The following FRMD4B variants were observed in gnomAD, a reference collection of about 807,000 sequenced individuals.
FRMD4B encodes FERM domain containing 4B.
FRMD4B carries 74 observed loss-of-function variants against 141.5 expected under a neutral mutation model. That is an observed-to-expected ratio of 0.52 (90% CI 0.43 to 0.63). FRMD4B has a LOEUF of 0.63. Ranked by LOEUF, FRMD4B falls within the 30% of genes least tolerant of loss-of-function variation. FRMD4B has a pLI of 0.00. For synonymous variants in FRMD4B, 506 were observed against 467.9 expected (o/e 1.08, Z -1.05); for missense variants, 1,366 against 1,253.4 (o/e 1.09, Z -1.36).
chr3:69,203,341 A>AAAAAAAAAAAAAAAGAAAG (rs1553700373), intron 11 of FRMD4B, among the ~76,000 whole-genome samples: 1 of 76,982 alleles, frequency 1.3e-5, no homozygotes. Context: ...AAAAAAAAAA[A>AAAAAAAAAAAAAAAGAAAG]AAAGAAAGAA....
rs75277193 is a variant in FRMD4B, at chr3:69,417,618, C to T, written c.-1+15016G>A. On this transcript the variant is annotated intron_variant, in intron 2 of 5. Coordinates refer to the FRMD4B transcript ENST00000459638. Reference sequence around the variant, plus strand: ...TGGTGTTTTAGTCACGAAGTCTTTGCCCATGATTGTGTCCTGAATGTATTG... The same window carrying T: ...TGGTGTTTTAGTCACGAAGTCTTTGTCCATGATTGTGTCCTGAATGTATTG... Among the ~76,000 whole-genome samples, 1,358 of 152,278 alleles carry T rather than the reference C, an allele frequency of 8.9e-3. 23 individuals are homozygous for T. Among genetic ancestry groups the T allele is most frequent in the African/African-American group, 0.031 (1,278 of 41,544 alleles).
chr3:69,466,574 G>T (rs763303428), intron 1 of FRMD4B, among the ~76,000 whole-genome samples: 1 of 152,214 alleles, frequency 6.6e-6, no homozygotes, highest in Admixed American at 6.5e-5. Flanking sequence ...AGTTGGCCAT[G>T]AGTTGATAAT....
rs1247488447 is a variant in FRMD4B at position 69,194,562 on chromosome 3, A to G, written c.1488+460T>C. 2.0e-5 allele frequency among the ~76,000 whole-genome samples: 3 copies of G among 152,214 alleles called. No homozygotes were observed. In the East Asian group the frequency reaches 5.8e-4, roughly 29 times the overall value. ...TCTATATTGGCTAACAAATATTTTAACTTGATTGTAGCTCAGTGCTGTGCA... is the reference window on the plus strand; with the variant it reads ...TCTATATTGGCTAACAAATATTTTAGCTTGATTGTAGCTCAGTGCTGTGCA... On this transcript the variant is annotated intron_variant, in intron 16 of 22. Transcript: ENST00000398540.
chr3:69,385,690 G>T, intron 1 of FRMD4B, 138 bp downstream of exon 1: 1 of 672,340 alleles, frequency 1.5e-6, no homozygotes, highest in Non-Finnish European at 2.3e-6. Context: ...GAGCTGCTGA[G>T]CGTTTGACCC....
rs557614412 is a variant in FRMD4B, at chr3:69,476,145, T to G, written c.-128-43384A>C. 8.0e-3 allele frequency among the ~76,000 whole-genome samples: 1,208 copies of G among 150,992 alleles called. 12 individuals are homozygous for G. Among genetic ancestry groups the G allele is most frequent in the Non-Finnish European group, 0.012 (794 of 67,592 alleles). On this transcript the variant is annotated intron_variant, in intron 1 of 5. Coordinates refer to the FRMD4B transcript ENST00000459638. ...TAGGTTGTGAAAATTTTCTCCCATT[T>G]TGTAGGTTGCCTGTTCACTCTGATG...
At chr3:69,305,144 C>T (rs781514516) in intron 3 of FRMD4B, among the ~76,000 whole-genome samples, 1 of 152,102 alleles carries the variant, frequency 6.6e-6, no homozygotes, top group Non-Finnish European at 1.5e-5. Flanking sequence ...ACCACCCTAC[C>T]CAGTGGACTT....
At chr3:69,315,508 C>T (rs1240927338) in intron 1 of FRMD4B, among the ~76,000 whole-genome samples, 1 of 152,010 alleles carries the variant, frequency 6.6e-6, no homozygotes, top group Non-Finnish European at 1.5e-5. Context: ...TGTGTTTATC[C>T]GTGTATGTGT....
chr3:69,202,853 AG>A (rs2092982808), intron 11 of FRMD4B, among the ~76,000 whole-genome samples: 1 of 126,462 alleles, frequency 7.9e-6, no homozygotes, highest in African/African-American at 3.0e-5. Flanking sequence ...AAAAGTAAAT[AG>A]AAAGATAAAA....
At chr3:69,398,285 T>C (rs1358488129) in intron 2 of FRMD4B, among the ~76,000 whole-genome samples, 1 of 152,210 alleles carries the variant, frequency 6.6e-6, no homozygotes, top group Non-Finnish European at 1.5e-5. Context: ...AATTGACACA[T>C]AATAATTACA....
chr3:69,360,085 G>T (rs1032368304), intron 1 of FRMD4B, among the ~76,000 whole-genome samples: 5 of 152,042 alleles, frequency 3.3e-5, no homozygotes, highest in Non-Finnish European at 7.4e-5. Flanking sequence ...GCAGAACCTG[G>T]AGTTTTGTTT....
chr3:69,464,848 A>G (rs547646251), intron 1 of FRMD4B, among the ~76,000 whole-genome samples: 30 of 152,340 alleles, frequency 2.0e-4, no homozygotes, highest in African/African-American at 7.2e-4. Context: ...CAACACGGCA[A>G]TGAAATTAGC....
chr3:69,223,101 T>G (rs1404929291), intron 8 of FRMD4B, among the ~76,000 whole-genome samples: 2 of 152,210 alleles, frequency 1.3e-5, no homozygotes, highest in East Asian at 3.8e-4. Flanking sequence ...GAGAAAACCC[T>G]TTTATTGCCC....
intron 1 of FRMD4B, chr3:69,323,088 A>G (rs551653256): frequency 3.3e-6 from 2 of 601,872 alleles, no homozygotes; most frequent in South Asian, 1.5e-4. Flanking sequence ...AGTGTAAAAG[A>G]AGCAAAGGAG....
intron 1 of FRMD4B, among the ~76,000 whole-genome samples, chr3:69,337,287 A>C (rs1216338371): frequency 1.3e-5 from 2 of 152,198 alleles, no homozygotes; most frequent in Admixed American, 1.3e-4. Context: ...CTTCCTTACA[A>C]CTTATACAAA....
In FRMD4B at chr3:69,362,710, C is replaced by A. The variant is rs58167923; in HGVS notation, c.162+23118G>T. On this transcript the variant is annotated intron_variant, in intron 1 of 22. Transcript: ENST00000398540. ...AACAACAAAAAGCCAACCCCCCCCC[C>A]AAAAAAACAAACAAAAAACAAAAAC... 3.6e-3 allele frequency among the ~76,000 whole-genome samples: 533 copies of A among 148,204 alleles called. 9 individuals are homozygous for A. Among genetic ancestry groups the A allele is most frequent in the East Asian group, 0.019 (97 of 5,046 alleles).
At chr3:69,364,075 C>T (rs1384178303) in intron 1 of FRMD4B, among the ~76,000 whole-genome samples, 1 of 152,174 alleles carries the variant, frequency 6.6e-6, no homozygotes, top group Non-Finnish European at 1.5e-5. Context: ...GATCCCTGAA[C>T]CAAATCAGGC....
At chr3:69,233,257 G>C (rs979573124) in intron 7 of FRMD4B, among the ~76,000 whole-genome samples, 6 of 151,960 alleles carry the variant, frequency 3.9e-5, no homozygotes, top group African/African-American at 1.5e-4. Flanking sequence ...GAGGCGAGAT[G>C]GATCACTTGA....
At chr3:69,383,248 A>G (rs1305143291) in intron 1 of FRMD4B, among the ~76,000 whole-genome samples, 1 of 152,248 alleles carries the variant, frequency 6.6e-6, no homozygotes, top group Non-Finnish European at 1.5e-5. Context: ...TTTTAGTTCT[A>G]CACAATTAAG....
At chr3:69,188,828 T>C (rs1477447878) in intron 18 of FRMD4B, among the ~76,000 whole-genome samples, 1 of 151,484 alleles carries the variant, frequency 6.6e-6, no homozygotes, top group Non-Finnish European at 1.5e-5. Context: ...CCTGGAATTC[T>C]TCAAGTCATA....
Sources: allele counts gnomAD v4.1 joint callset (sites outside exome capture counted in the v4.1 genomes callset), GRCh38; gene constraint gnomAD v4.1.1; transcripts MANE v1.5; gene names NCBI Gene and HGNC (gene_info 2026-07-23, HGNC 2026-07-21).